The following GRID2 variants were observed in gnomAD, a reference collection of about 807,000 sequenced individuals.
GRID2 encodes the protein glutamate receptor ionotropic, delta-2.
GRID2 carries 33 observed loss-of-function variants against 114.8 expected under a neutral mutation model. That is an observed-to-expected ratio of 0.29 (90% confidence interval 0.22 to 0.38). The LOEUF is 0.38. GRID2 is among the 10% of genes least tolerant of loss of function. The pLI is 1.00. For synonymous variants in GRID2, 505 were observed against 449.9 expected, an observed-to-expected ratio of 1.12 and a Z score of -1.55; for missense variants, 1,184 against 1,257.7, an observed-to-expected ratio of 0.94 and a Z score of 0.89.
At chr4:93,058,248 A>G (rs956115085) in intron 2 of GRID2, among the ~76,000 whole-genome samples, 1 of 151,946 alleles carries the variant, frequency 6.6e-6, no homozygotes, top group Non-Finnish European at 1.5e-5. Flanking sequence ...CATTAATTTA[A>G]AGAATCTTCA....
intron 2 of GRID2, among the ~76,000 whole-genome samples, chr4:93,061,881 C>T (rs543981825): frequency 2.6e-5 from 4 of 152,182 alleles, no homozygotes; most frequent in Non-Finnish European, 4.4e-5. Flanking sequence ...CAAGTGCTTT[C>T]GAGGAATCCG....
intron 2 of GRID2, among the ~76,000 whole-genome samples, chr4:92,924,172 T>C (rs1749614911): frequency 6.6e-6 from 1 of 152,104 alleles, no homozygotes; most frequent in African/African-American, 2.4e-5. Context: ...CACCACATGT[T>C]CTCACTCACA....
chr4:93,583,394 T>C (rs1046168481), intron 13 of GRID2, among the ~76,000 whole-genome samples: 9 of 152,190 alleles, frequency 5.9e-5, no homozygotes, highest in Non-Finnish European at 1.2e-4. Flanking sequence ...TCTTCTTCGG[T>C]GCTGTGGACG....
intron 1 of GRID2, among the ~76,000 whole-genome samples, chr4:92,444,514 T>C (rs1440641324): frequency 6.6e-6 from 1 of 152,068 alleles, no homozygotes; most frequent in East Asian, 1.9e-4. Flanking sequence ...TACACTTCTT[T>C]TGTGGTGGAA....
At chr4:93,043,614 GT>G (rs1047444125) in intron 2 of GRID2, among the ~76,000 whole-genome samples, 1 of 152,126 alleles carries the variant, frequency 6.6e-6, no homozygotes, top group Non-Finnish European at 1.5e-5. Flanking sequence ...AGCATGGTGT[GT>G]TTTCTTGAAG....
chr4:92,666,670 T>TTTTTTTTTC (rs368637464), intron 2 of GRID2, among the ~76,000 whole-genome samples: 1 of 133,026 alleles, frequency 7.5e-6, no homozygotes, highest in Non-Finnish European at 1.6e-5. Flanking sequence ...TTTTTTTTTT[T>TTTTTTTTTC]CAGATCTTTT....
intron 1 of GRID2, among the ~76,000 whole-genome samples, chr4:93,801,981 G>A (rs1328257237): frequency 5.3e-5 from 8 of 152,216 alleles, no homozygotes; most frequent in Non-Finnish European, 7.3e-5. Flanking sequence ...TATACTGCAT[G>A]TGTGCCCCCT....
At chr4:92,618,714 A>C (rs758804297) in intron 2 of GRID2, among the ~76,000 whole-genome samples, 2 of 151,620 alleles carry the variant, frequency 1.3e-5, no homozygotes, top group Non-Finnish European at 2.9e-5. Flanking sequence ...GGGATCATTC[A>C]TCTCCTTGGC....
chr4:93,187,268 A>G (rs1740513619), intron 4 of GRID2, among the ~76,000 whole-genome samples: 1 of 152,030 alleles, frequency 6.6e-6, no homozygotes. Flanking sequence ...GAATAGCTCC[A>G]AAGTCTTTTT....
chr4:92,914,526 G>A (rs1261266306), intron 2 of GRID2, among the ~76,000 whole-genome samples: 2 of 152,038 alleles, frequency 1.3e-5, no homozygotes, highest in African/African-American at 4.8e-5. Flanking sequence ...CCGGTATTAA[G>A]CCTAGTAATC....
At chr4:93,716,520 A>C (rs1728916595) in intron 14 of GRID2, among the ~76,000 whole-genome samples, 5 of 152,162 alleles carry the variant, frequency 3.3e-5, no homozygotes. Flanking sequence ...TAATTGTAAT[A>C]GTGGAATCCA....
chr4:92,941,334 A>G (rs1751109902), intron 2 of GRID2, among the ~76,000 whole-genome samples: 1 of 152,174 alleles, frequency 6.6e-6, no homozygotes, highest in African/African-American at 2.4e-5. Context: ...CATTTCTTGT[A>G]GATTTTCTAG....
chr4:92,561,285 G>GTAA (rs1422513926), intron 1 of GRID2, among the ~76,000 whole-genome samples: 1 of 152,134 alleles, frequency 6.6e-6, no homozygotes, highest in Non-Finnish European at 1.5e-5. Context: ...TTTATTTCAT[G>GTAA]TAATAACCTT....
intron 1 of GRID2, among the ~76,000 whole-genome samples, chr4:92,335,589 A>G (rs1000471387): frequency 2.6e-5 from 4 of 152,230 alleles, no homozygotes; most frequent in Non-Finnish European, 4.4e-5. Context: ...AAGTCAATGC[A>G]TTTCCCAATT....
At chr4:93,137,524 T>C (rs1410961639) in intron 4 of GRID2, among the ~76,000 whole-genome samples, 1 of 152,112 alleles carries the variant, frequency 6.6e-6, no homozygotes, top group East Asian at 1.9e-4. Flanking sequence ...CAATGTCATA[T>C]CTATTTAGTG....
At chr4:92,869,292 A>G (rs1189454868) in intron 2 of GRID2, among the ~76,000 whole-genome samples, 1 of 152,238 alleles carries the variant, frequency 6.6e-6, no homozygotes, top group East Asian at 1.9e-4. Flanking sequence ...AAGTGTAATC[A>G]CGATGAAATG....
At chr4:92,775,299 C>T (rs1441635171) in intron 2 of GRID2, among the ~76,000 whole-genome samples, 1 of 152,178 alleles carries the variant, frequency 6.6e-6, no homozygotes, top group Non-Finnish European at 1.5e-5. Context: ...TTTTGCAAGA[C>T]ATTCGCAGAT....
intron 2 of GRID2, among the ~76,000 whole-genome samples, chr4:93,003,714 A>G (rs1364588976): frequency 1.3e-5 from 2 of 151,956 alleles, no homozygotes; most frequent in African/African-American, 4.8e-5. Context: ...GTGTCTTTAT[A>G]GAATGCTTAT....
chr4:93,804,516 G>A (rs1205423677), intron 1 of GRID2, among the ~76,000 whole-genome samples: 2 of 152,158 alleles, frequency 1.3e-5, no homozygotes, highest in Admixed American at 6.5e-5. Context: ...GAAAGGTACA[G>A]TAAAAATATG....
Sources: allele counts gnomAD v4.1 joint callset (sites outside exome capture counted in the v4.1 genomes callset), GRCh38; gene constraint gnomAD v4.1.1; transcripts MANE v1.5; gene names NCBI Gene and HGNC (gene_info 2026-07-23, HGNC 2026-07-21).